The following RAPGEF2 variants were observed in gnomAD, a reference collection of about 807,000 sequenced individuals.
The protein encoded by RAPGEF2 is Rap guanine nucleotide exchange factor 2, also known as PDZ domain containing guanine nucleotide exchange factor (GEF) 1.
In RAPGEF2, 54 loss-of-function variants were observed where a neutral mutation model predicts 186.7. The ratio of observed to expected loss-of-function variants is 0.29; its 90% CI spans 0.23 to 0.36. The LOEUF is 0.36. Among genes scored for constraint, RAPGEF2 ranks in the 10% least tolerant of loss-of-function variants. The pLI is 1.00. For synonymous variants in RAPGEF2, 712 were observed against 705.9 expected (o/e 1.01, Z -0.14); for missense variants, 1,532 against 2,045.0 (o/e 0.75, Z 4.84).
intron 9 of RAPGEF2, among the ~76,000 whole-genome samples, chr4:159,320,406 G>A (rs1467168354): frequency 2.6e-5 from 4 of 152,132 alleles, no homozygotes; most frequent in Non-Finnish European, 5.9e-5. Context: ...AGAAATAAAA[G>A]TTTCATGAAA....
At chr4:159,165,753 C>T in intron 1 of RAPGEF2, among the ~76,000 whole-genome samples, 1 of 151,970 alleles carries the variant, frequency 6.6e-6, no homozygotes, top group East Asian at 1.9e-4. Context: ...CCCCAATGCC[C>T]AGCTAATTTG....
intron 8 of RAPGEF2, among the ~76,000 whole-genome samples, chr4:159,305,310 G>A (rs758894173): frequency 3.9e-5 from 6 of 152,100 alleles, no homozygotes; most frequent in Non-Finnish European, 8.8e-5. Context: ...CTGCATATAA[G>A]TGTTCTCTTA....
chr4:159,264,794 G>A (rs1467785386), intron 7 of RAPGEF2, among the ~76,000 whole-genome samples: 1 of 151,914 alleles, frequency 6.6e-6, no homozygotes, highest in East Asian at 1.9e-4. Flanking sequence ...ATTCTACTTT[G>A]TGCCTACGTG....
intron 23 of RAPGEF2, 45 bp downstream of exon 23, chr4:159,344,104 G>C (rs1210392961): frequency 1.3e-6 from 2 of 1,514,914 alleles, no homozygotes; most frequent in African/African-American, 2.8e-5. Context: ...TTCTTATTCT[G>C]CTCATTGCAT....
intron 7 of RAPGEF2, among the ~76,000 whole-genome samples, chr4:159,246,155 A>G (rs1477412862): frequency 2.6e-5 from 4 of 152,194 alleles, no homozygotes; most frequent in African/African-American, 9.6e-5. Context: ...CCTTTTCTAC[A>G]GTGTGAATAT....
At position 159,189,514 on chromosome 4, in the gene RAPGEF2, A is replaced by G. The variant is rs983614459; in HGVS notation, c.140+2802A>G. Among the ~76,000 whole-genome samples, 9 of 152,340 alleles carry G rather than the reference A, an allele frequency of 5.9e-5. No homozygotes were observed. In the East Asian group the frequency reaches 1.5e-3, roughly 26 times the overall value. ...GAGCAGAGACCAAAAATCTGTTTAA[A>G]AAAGTAGAGTAATTGGGGCTATTCA... On this transcript the variant is annotated intron_variant, in intron 2 of 29. Transcript: ENST00000691494.
At chr4:159,139,724 A>T (rs182887751) in intron 1 of RAPGEF2, among the ~76,000 whole-genome samples, 1 of 152,314 alleles carries the variant, frequency 6.6e-6, no homozygotes, top group East Asian at 1.9e-4. Context: ...GAGATTTCCC[A>T]TTGTTCAGTG....
chr4:159,339,359 A>C lies in RAPGEF2; in HGVS notation c.2534+5A>C, dbSNP rs1003154635. 1.9e-6 allele frequency: 3 copies of C among 1,610,920 alleles called. No individual in the cohort carries two copies. Among genetic ancestry groups the C allele is most frequent in the Admixed American group, 3.3e-5 (2 of 59,974 alleles). ...CAGAATACAACTGAGTGGAAGGTAT[A>C]TATTATCTACCTTACTGGATTTCTT... On this transcript the variant is annotated splice_donor_5th_base_variant and intron_variant, in intron 19 of 29. Transcript: ENST00000691494.
intron 26 of RAPGEF2, 22 bp downstream of exon 26, chr4:159,350,311 T>G: frequency 6.6e-7 from 1 of 1,519,708 alleles, no homozygotes; most frequent in Non-Finnish European, 8.8e-7. Context: ...TTACTTTTTG[T>G]TTTCTTGTAT....
At position 159,131,411 on chromosome 4, in the gene RAPGEF2, C is replaced by T. The variant is rs544772294; in HGVS notation, c.69+27180C>T. ...AGGCATGAGCCACCGCGCCCAGCCTCGCATGGTTTTAATAACGTTTAAGAT... is the reference window on the plus strand; with the variant it reads ...AGGCATGAGCCACCGCGCCCAGCCTTGCATGGTTTTAATAACGTTTAAGAT... On this transcript the variant is annotated intron_variant, in intron 1 of 29. Coordinates refer to ENST00000691494, the MANE Select transcript of RAPGEF2 (RefSeq NM_001394067.2). 1.7e-3 allele frequency among the ~76,000 whole-genome samples: 260 copies of T among 151,650 alleles called. 2 individuals are homozygous for T. Among genetic ancestry groups the T allele is most frequent in the Non-Finnish European group, 6.6e-4 (45 of 67,964 alleles).
intron 4 of RAPGEF2, among the ~76,000 whole-genome samples, chr4:159,213,919 TTA>T (rs1406676903): frequency 1.3e-5 from 2 of 152,246 alleles, no homozygotes; most frequent in Non-Finnish European, 2.9e-5. Context: ...ACATTGATAT[TTA>T]TACAAGTGCC....
At chr4:159,312,783 A>G (rs904536602) in intron 8 of RAPGEF2, among the ~76,000 whole-genome samples, 4 of 152,256 alleles carry the variant, frequency 2.6e-5, no homozygotes, top group Non-Finnish European at 4.4e-5. Context: ...GTATTATTTC[A>G]AAATGTAGGA....
intron 7 of RAPGEF2, among the ~76,000 whole-genome samples, chr4:159,277,263 T>G (rs981671795): frequency 1.3e-5 from 2 of 152,228 alleles, no homozygotes; most frequent in Admixed American, 6.5e-5. Context: ...TCATCATTTT[T>G]TATGGCTACA....
In RAPGEF2 at chr4:159,243,694, G is replaced by A. The variant is rs747150612; in HGVS notation, c.526-80G>A. ...TAATTTTAACATTATCTTCATTTTG[G>A]CAGATGTAATATAGCATGTCTGATA... On this transcript the variant is annotated intron_variant, in intron 6 of 29. Coordinates refer to ENST00000691494, the MANE Select transcript of RAPGEF2 (RefSeq NM_001394067.2). The A allele has an allele frequency of 2.0e-5, 18 of 894,178 alleles. No individual in the cohort carries two copies. In the Admixed American group the frequency reaches 4.2e-4, roughly 21 times the overall value. 55.4% of individuals were successfully genotyped at this position (894,178 alleles called of 1,614,324 possible).
intron 4 of RAPGEF2, among the ~76,000 whole-genome samples, chr4:159,224,600 A>G (rs931039336): frequency 1.3e-5 from 2 of 152,132 alleles, no homozygotes; most frequent in African/African-American, 4.8e-5. Context: ...GCCACATCTG[A>G]GTTGGACCTT....
chr4:159,144,412 A>G (rs561101643), intron 1 of RAPGEF2, among the ~76,000 whole-genome samples: 16 of 152,236 alleles, frequency 1.1e-4, no homozygotes, highest in Non-Finnish European at 1.5e-4. Flanking sequence ...CTTCAGTTCC[A>G]TTTGTTCCTG....
intron 1 of RAPGEF2, among the ~76,000 whole-genome samples, chr4:159,133,120 A>C (rs1741290593): frequency 6.6e-6 from 1 of 152,106 alleles, no homozygotes; most frequent in African/African-American, 2.4e-5. Context: ...TATTTAATGT[A>C]AAGTATAGTT....
chr4:159,166,103 GGGAGTTT>G (rs1385923815), intron 1 of RAPGEF2, among the ~76,000 whole-genome samples: 3 of 151,948 alleles, frequency 2.0e-5, no homozygotes, highest in Admixed American at 2.0e-4. Context: ...TCACAAGGTT[GGGAGTTT>G]GAAACCAGCC....
At chr4:159,189,810 GTTTAAA>G (rs768732694) in intron 2 of RAPGEF2, among the ~76,000 whole-genome samples, 35 of 152,156 alleles carry the variant, frequency 2.3e-4, no homozygotes, top group Non-Finnish European at 4.4e-4. Flanking sequence ...TGATAGCACT[GTTTAAA>G]TTTATTTTAT....
Sources: allele counts gnomAD v4.1 joint callset (sites outside exome capture counted in the v4.1 genomes callset), GRCh38; gene constraint gnomAD v4.1.1; transcripts MANE v1.5; gene names NCBI Gene and HGNC (gene_info 2026-07-23, HGNC 2026-07-21).